CACNA2D3: variants seen among roughly 807,000 people sequenced by gnomAD.
CACNA2D3 encodes the protein calcium voltage-gated channel auxiliary subunit alpha2delta 3.
CACNA2D3 carries 60 observed loss-of-function variants against 160.6 expected under a neutral mutation model. The ratio of observed to expected loss-of-function variants is 0.37; its 90% CI spans 0.30 to 0.46. The LOEUF is 0.46. Ranked by LOEUF, CACNA2D3 falls within the 20% of genes least tolerant of loss-of-function variation. The pLI is 1.00. For missense variants in CACNA2D3, 1,205 were observed against 1,365.0 expected, an observed-to-expected ratio of 0.88 and a Z score of 1.85; for synonymous variants, 558 against 492.9, an observed-to-expected ratio of 1.13 and a Z score of -1.75.
Position 54,461,177 on chromosome 3 carries a change from G to C in CACNA2D3, c.382-42315G>C, listed in dbSNP as rs11925203. Among the ~76,000 whole-genome samples the C allele has an allele frequency of 4.1e-3, 618 of 151,088 alleles. 7 individuals carry two copies. Among genetic ancestry groups the C allele is most frequent in the African/African-American group, 0.013 (533 of 40,560 alleles). ...TTGATGTGCTGCTGGATTTGGTTTGGCAGTATTTGATTGAGGATTTTTGCA... is the reference window on the plus strand; with the variant it reads ...TTGATGTGCTGCTGGATTTGGTTTGCCAGTATTTGATTGAGGATTTTTGCA... On this transcript the variant is annotated intron_variant, in intron 4 of 37. Coordinates refer to ENST00000474759, the MANE Select transcript of CACNA2D3 (RefSeq NM_018398.3).
chr3:54,602,421 C>G (rs1575374415), intron 9 of CACNA2D3, among the ~76,000 whole-genome samples: 1 of 146,266 alleles, frequency 6.8e-6, no homozygotes, highest in South Asian at 2.1e-4. Context: ...TCACTTGAAC[C>G]TGGGAGGTGG....
chr3:54,205,924 C>T (rs9814341), intron 2 of CACNA2D3, among the ~76,000 whole-genome samples: 65,325 of 152,012 alleles, frequency 0.43, 16,964 homozygotes, highest in East Asian at 0.76. Context: ...ATTGTAAGTA[C>T]GCTCATGTGA....
At chr3:54,882,509 G>A (rs1011148376) in intron 21 of CACNA2D3, among the ~76,000 whole-genome samples, 1 of 152,178 alleles carries the variant, frequency 6.6e-6, no homozygotes, top group Admixed American at 6.5e-5. Context: ...AGGCTAAGCA[G>A]TCACAGAGAA....
At chr3:54,414,696 T>C (rs1393173283) in intron 4 of CACNA2D3, among the ~76,000 whole-genome samples, 4 of 151,936 alleles carry the variant, frequency 2.6e-5, no homozygotes, top group Non-Finnish European at 5.9e-5. Context: ...ATTGTGACTA[T>C]AAGTCTTAAT....
intron 17 of CACNA2D3, among the ~76,000 whole-genome samples, chr3:54,871,011 G>A (rs1209111853): frequency 1.2e-4 from 18 of 149,596 alleles, no homozygotes; most frequent in Admixed American, 6.6e-5. Flanking sequence ...GCCCTTTCTC[G>A]TATCACGGAC....
intron 11 of CACNA2D3, among the ~76,000 whole-genome samples, chr3:54,651,003 C>T (rs530853114): frequency 6.6e-6 from 1 of 152,302 alleles, no homozygotes; most frequent in East Asian, 1.9e-4. Flanking sequence ...GAAGAGGCTA[C>T]ATTCAGGATT....
chr3:54,130,306 T>C (rs757933169), intron 2 of CACNA2D3, among the ~76,000 whole-genome samples: 1 of 152,204 alleles, frequency 6.6e-6, no homozygotes, highest in Non-Finnish European at 1.5e-5. Context: ...AATGAAATCA[T>C]TTTCTTATTT....
chr3:54,800,006 A>G (rs936983529), intron 13 of CACNA2D3, among the ~76,000 whole-genome samples: 13 of 152,224 alleles, frequency 8.5e-5, no homozygotes, highest in East Asian at 1.9e-4. Context: ...CATGACATGC[A>G]TAAATTATGA....
At chr3:54,539,899 G>C in intron 5 of CACNA2D3, among the ~76,000 whole-genome samples, 1 of 152,140 alleles carries the variant, frequency 6.6e-6, no homozygotes, top group East Asian at 1.9e-4. Flanking sequence ...CTGACGAGCA[G>C]GCCCTGCTTC....
chr3:54,600,050 C>T (rs1275587723), intron 9 of CACNA2D3, among the ~76,000 whole-genome samples: 1 of 152,200 alleles, frequency 6.6e-6, no homozygotes, highest in Non-Finnish European at 1.5e-5. Context: ...GAAACACTTT[C>T]GGACTGGAGG....
At chr3:55,053,353 T>G (rs1217197713) in intron 35 of CACNA2D3, among the ~76,000 whole-genome samples, 1 of 151,998 alleles carries the variant, frequency 6.6e-6, no homozygotes, top group East Asian at 1.9e-4. Context: ...TCTGATAGGA[T>G]TTTGATTGAT....
chr3:54,603,835 T>G (rs1409648489), intron 9 of CACNA2D3, among the ~76,000 whole-genome samples: 2 of 152,186 alleles, frequency 1.3e-5, no homozygotes, highest in Non-Finnish European at 2.9e-5. Context: ...AGTATTTTTG[T>G]GTTTATCTGC....
intron 5 of CACNA2D3, among the ~76,000 whole-genome samples, chr3:54,549,164 A>T: frequency 6.6e-6 from 1 of 152,282 alleles, no homozygotes; most frequent in Non-Finnish European, 1.5e-5. Context: ...AACAAACAAC[A>T]GGCCAGGCAT....
At chr3:54,235,368 T>TG in intron 2 of CACNA2D3, among the ~76,000 whole-genome samples, 1 of 152,186 alleles carries the variant, frequency 6.6e-6, no homozygotes, top group Non-Finnish European at 1.5e-5. Flanking sequence ...GCTCGGCTTC[T>TG]GGGGAGGCCT....
rs757492310 is a variant in CACNA2D3 at position 54,503,483 on chromosome 3, G to A, written c.382-9G>A. 1.1e-5 allele frequency: 17 copies of A among 1,613,326 alleles called. No individual in the cohort carries two copies. The South Asian group carries it at 1.6e-4, about 16-fold the overall frequency. Reference sequence around the variant, plus strand: ...GCCACATGTAATGTTTTTTGACTTTGTCTTTCAGTATGAATACTTCAATGC... The same window carrying A: ...GCCACATGTAATGTTTTTTGACTTTATCTTTCAGTATGAATACTTCAATGC... On this transcript the variant is annotated splice_polypyrimidine_tract_variant and intron_variant, in intron 4 of 37. Transcript: ENST00000474759.
chr3:54,270,784 G>A (rs1702607123), intron 2 of CACNA2D3, among the ~76,000 whole-genome samples: 1 of 152,108 alleles, frequency 6.6e-6, no homozygotes, highest in African/African-American at 2.4e-5. Flanking sequence ...CTATTTCTTT[G>A]TTGGCTTTCA....
At chr3:55,063,944 C>A (rs1400482357) in intron 35 of CACNA2D3, among the ~76,000 whole-genome samples, 1 of 152,206 alleles carries the variant, frequency 6.6e-6, no homozygotes, top group Non-Finnish European at 1.5e-5. Flanking sequence ...AAAATGTATT[C>A]TTAAAGGTAC....
At chr3:54,512,646 T>C (rs978494189) in intron 5 of CACNA2D3, among the ~76,000 whole-genome samples, 23 of 152,174 alleles carry the variant, frequency 1.5e-4, no homozygotes, top group Admixed American at 1.4e-3. Context: ...GGCAGGTGGC[T>C]CAGTCTTTGA....
chr3:55,054,545 C>G (rs1704315484), intron 35 of CACNA2D3, among the ~76,000 whole-genome samples: 1 of 150,428 alleles, frequency 6.6e-6, no homozygotes, highest in Non-Finnish European at 1.5e-5. Flanking sequence ...CGTTTCATAC[C>G]TCAGTATAGC....
Sources: gnomAD v4.1 joint callset for allele counts (sites outside exome capture counted in the v4.1 genomes callset) on GRCh38, gnomAD v4.1.1 for gene constraint, MANE v1.5 for transcripts, NCBI Gene and HGNC (gene_info 2026-07-23, HGNC 2026-07-21) for gene names.